Variants in PIK3R4 observed in about 807,000 individuals in gnomAD.
PIK3R4 encodes phosphoinositide-3-kinase regulatory subunit 4, also known as phosphoinositide 3-kinase regulatory subunit 4.
In PIK3R4, 46 loss-of-function variants were observed where a neutral mutation model predicts 136.5. That is an observed-to-expected ratio of 0.34 (90% CI 0.27 to 0.43). PIK3R4 has a LOEUF of 0.43. Ranked by LOEUF, PIK3R4 falls within the 20% of genes least tolerant of loss-of-function variation. The probability of loss-of-function intolerance (pLI) is 1.00; values close to 1 mark genes in which losing one functional copy is unlikely to be tolerated. For synonymous variants in PIK3R4, 557 were observed against 566.7 expected (o/e 0.98, Z 0.24); for missense variants, 1,331 against 1,649.5 (o/e 0.81, Z 3.35).
rs2066438051 is a variant in PIK3R4, at chr3:130,679,202, T to C, written c.*113A>G. ...TAGTCAGTCAGTCATGAAACAGTAA[T>C]ATGGAGACATAATTTTGAAAATTAA... On this transcript the variant is annotated 3_prime_UTR_variant, in exon 20 of 20. Transcript: ENST00000356763. The C allele has an allele frequency of 1.6e-6, 1 of 608,392 alleles. No individual in the cohort carries two copies. Among genetic ancestry groups the C allele is most frequent in the Non-Finnish European group, 2.7e-6 (1 of 375,546 alleles). 37.7% of individuals were successfully genotyped at this position (608,392 alleles called of 1,614,324 possible). A position where few individuals can be genotyped will look rare whatever the true frequency, so the allele number is the denominator to read the frequency against.
rs761576420 is a variant in PIK3R4 at position 130,681,011 on chromosome 3, T to A, written c.3763A>T (p.Ile1255Phe). The A allele has an allele frequency of 1.3e-6, 2 of 1,591,450 alleles. No homozygotes were observed. Among genetic ancestry groups the A allele is most frequent in the Non-Finnish European group, 1.7e-6 (2 of 1,163,328 alleles). Residue 1255 changes from isoleucine to phenylalanine, a missense_variant, in exon 18 of 20, where the codon ATC becomes TTC. Physicochemically the swap from Ile to Phe is conservative, Grantham distance 21. This residue lies in a region of PIK3R4 where 1,180 missense variants were observed against 1,407.0 expected (regional missense o/e 0.84). Transcript: ENST00000356763. ...IYCSPADGNP[I>F]LLTAGSDMKI... Reference sequence around the variant, plus strand: ...ATATCTGAGCCAGCTGTTAGTAGGATAGGATTTCCATCTGCAGGACTACAG... The same window carrying A: ...ATATCTGAGCCAGCTGTTAGTAGGAAAGGATTTCCATCTGCAGGACTACAG...
At chr3:130,692,051 A>AT (rs1393886136) in intron 13 of PIK3R4, among the ~76,000 whole-genome samples, 1 of 151,058 alleles carries the variant, frequency 6.6e-6, no homozygotes, top group Non-Finnish European at 1.5e-5. Context: ...ATTTTTTTGT[A>AT]TTTTTAATAG....
At chr3:130,745,945 A>G (rs1165393098) in intron 1 of PIK3R4, among the ~76,000 whole-genome samples, 1 of 152,016 alleles carries the variant, frequency 6.6e-6, no homozygotes, top group East Asian at 1.9e-4. Context: ...GCTTGAACCC[A>G]GGACGCAGAG....
rs1416031583 is a variant in PIK3R4, at chr3:130,680,752, T to C, written c.3798-31A>G. 4 of 1,343,104 alleles carry C rather than the reference T, an allele frequency of 3.0e-6. No individual in the cohort carries two copies. The African/African-American group carries it at 5.8e-5, about 19-fold the overall frequency. The allele number at this position is 1,343,104 out of a possible 1,614,324, so 83.2% of individuals were successfully genotyped here. On this transcript the variant is annotated intron_variant, in intron 18 of 19. Transcript: ENST00000356763. ...AAAGAGGAAATAAATGATGACAATCTCTTCAGGACAATGGGAGGAACTAAT... is the reference window on the plus strand; with the variant it reads ...AAAGAGGAAATAAATGATGACAATCCCTTCAGGACAATGGGAGGAACTAAT...
At chr3:130,730,629 C>T (rs1576462427) in intron 4 of PIK3R4, among the ~76,000 whole-genome samples, 187 bp from the exon 5 acceptor site, 1 of 151,710 alleles carries the variant, frequency 6.6e-6, no homozygotes, top group East Asian at 1.9e-4. Context: ...TGTCTCCAAA[C>T]CACTAGTCTT....
At chr3:130,737,643 G>C (rs1013244745) in intron 2 of PIK3R4, among the ~76,000 whole-genome samples, 3 of 152,140 alleles carry the variant, frequency 2.0e-5, no homozygotes, top group African/African-American at 7.2e-5. Flanking sequence ...CTGGGCAACA[G>C]AGCCAGACTC....
Position 130,708,507 on chromosome 3 carries a change from A to G in PIK3R4, c.2332-15T>C. 1 of 1,598,230 alleles carries G rather than the reference A, an allele frequency of 6.3e-7. No individual in the cohort carries two copies. ...TCTGTCATTCCCTAAAACCAAATAA[A>G]ACCATATGTTCTAGTTTATTTTCAC... On this transcript the variant is annotated splice_polypyrimidine_tract_variant and intron_variant, in intron 9 of 19. Coordinates refer to ENST00000356763, the MANE Select transcript of PIK3R4 (RefSeq NM_014602.3).
At chr3:130,713,448 AC>A (rs1361505277) in intron 9 of PIK3R4, among the ~76,000 whole-genome samples, 2 of 152,194 alleles carry the variant, frequency 1.3e-5, no homozygotes, top group Non-Finnish European at 2.9e-5. Flanking sequence ...GCACCCAGTA[AC>A]GGGGGCTGGC....
Position 130,716,392 on chromosome 3 carries a change from C to T in PIK3R4, c.2331+4G>A. 6.2e-7 allele frequency: 1 copy of T among 1,612,124 alleles called. No homozygotes were observed. Among genetic ancestry groups the T allele is most frequent in the Non-Finnish European group, 8.5e-7 (1 of 1,178,272 alleles). Reference sequence around the variant, plus strand: ...AATGTAAGACTTTGGAAGGGTGATACAACCTGTGAGAGCAACTTCTTCAGA... The same window carrying T: ...AATGTAAGACTTTGGAAGGGTGATATAACCTGTGAGAGCAACTTCTTCAGA... On this transcript the variant is annotated splice_donor_region_variant and intron_variant, in intron 9 of 19. Coordinates refer to ENST00000356763, the MANE Select transcript of PIK3R4 (RefSeq NM_014602.3).
Position 130,718,388 on chromosome 3 carries a change from C to G in PIK3R4, c.2127+1G>C, listed in dbSNP as rs1332805768. 6.2e-7 allele frequency: 1 copy of G among 1,612,558 alleles called. No individual in the cohort carries two copies. ...CTGACTCCAACTTGGAACATGTATA[C>G]CTGTATTATTGGTTGGGTAATATAT... is the stretch of plus-strand genomic sequence containing the variant. On this transcript the variant is annotated splice_donor_variant, in intron 8 of 19. Coordinates refer to ENST00000356763, the MANE Select transcript of PIK3R4 (RefSeq NM_014602.3). LOFTEE classifies it high-confidence loss of function.
chr3:130,740,922 G>A (rs567918703), intron 2 of PIK3R4, among the ~76,000 whole-genome samples: 26 of 152,168 alleles, frequency 1.7e-4, no homozygotes, highest in African/African-American at 6.3e-4. Context: ...GTATATGGGT[G>A]TTCCTTTGTT....
Position 130,703,686 on chromosome 3 carries a change from GAATT to G in PIK3R4, c.3098+33_3098+36del, listed in dbSNP as rs148246800. ...ACACTCAATAAACATTTGTTGATTT[GAATT>G]AATGAACTGATTCATTCCTGAGCAT... On this transcript the variant is annotated intron_variant, in intron 13 of 19. Coordinates refer to ENST00000356763, the MANE Select transcript of PIK3R4 (RefSeq NM_014602.3). 3,901 of 1,490,722 alleles carry G rather than the reference GAATT, an allele frequency of 2.6e-3. 85 individuals are homozygous for G. In the African/African-American group the frequency reaches 0.048, roughly 18 times the overall value. The allele number at this position is 1,490,722 out of a possible 1,614,324, so 92.3% of individuals were successfully genotyped here. A position where few individuals can be genotyped will look rare whatever the true frequency, so the allele number is the denominator to read the frequency against.
chr3:130,721,323 C>G (rs1289370725), intron 7 of PIK3R4, among the ~76,000 whole-genome samples: 40 of 145,364 alleles, frequency 2.8e-4, no homozygotes, highest in Non-Finnish European at 5.2e-4. Flanking sequence ...GGTGAAAGAG[C>G]GAGACTCCGT....
At chr3:130,737,913 G>C (rs1576464315) in intron 2 of PIK3R4, among the ~76,000 whole-genome samples, 2 of 152,262 alleles carry the variant, frequency 1.3e-5, no homozygotes, top group East Asian at 3.9e-4. Context: ...TATCACTTTT[G>C]CACCATGGTA....
At chr3:130,697,623 CTAATA>C (rs995827277) in intron 13 of PIK3R4, among the ~76,000 whole-genome samples, 14 of 152,172 alleles carry the variant, frequency 9.2e-5, no homozygotes, top group African/African-American at 3.4e-4. Flanking sequence ...AAACTTTGCT[CTAATA>C]TGTCTCTTCC....
intron 9 of PIK3R4, among the ~76,000 whole-genome samples, chr3:130,710,719 C>A (rs2066628568): frequency 6.6e-6 from 1 of 151,692 alleles, no homozygotes; most frequent in Non-Finnish European, 1.5e-5. Context: ...TATGAGGTTG[C>A]CAGATAAAAG....
intron 14 of PIK3R4, among the ~76,000 whole-genome samples, chr3:130,689,202 A>T (rs1230290523): frequency 6.6e-6 from 1 of 152,216 alleles, no homozygotes; most frequent in Non-Finnish European, 1.5e-5. Flanking sequence ...TTACCTAGGT[A>T]GTTAGGTAGT....
intron 14 of PIK3R4, 54 bp downstream of exon 14, chr3:130,690,436 A>C: frequency 8.1e-7 from 1 of 1,241,216 alleles, no homozygotes; most frequent in South Asian, 1.7e-5. Flanking sequence ...AAGGAGACTT[A>C]AGGTACTGTA....
chr3:130,723,284 C>A lies in PIK3R4; in HGVS notation c.1981+130G>T, dbSNP rs2066713041. ...ACACATACACATACACACATGCACA[C>A]CCACACAATCAATAGTAGGAACCCC... is the stretch of plus-strand genomic sequence containing the variant. On this transcript the variant is annotated intron_variant, in intron 7 of 19. Transcript: ENST00000356763. 6.7e-6 allele frequency: 5 copies of A among 740,974 alleles called. No homozygotes were observed. The Admixed American group carries it at 8.5e-5, about 13-fold the overall frequency. 45.9% of individuals were successfully genotyped at this position (740,974 alleles called of 1,614,324 possible).
Sources: allele counts gnomAD v4.1 joint callset (sites outside exome capture counted in the v4.1 genomes callset), GRCh38; gene constraint gnomAD v4.1.1; regional missense constraint gnomAD v4.1.1; transcripts MANE v1.5; gene names NCBI Gene and HGNC (gene_info 2026-07-23, HGNC 2026-07-21).